GHR: variants seen among roughly 807,000 people sequenced by gnomAD.
GHR encodes growth hormone receptor, also known as GH receptor.
Under a neutral mutation model 67.1 loss-of-function variants are expected in GHR, and 35 were observed. The observed-to-expected ratio is 0.52, with a 90% CI of 0.40 to 0.69. The LOEUF (loss-of-function observed/expected upper bound fraction) is 0.69. Ranked by LOEUF, GHR falls within the 30% of genes least tolerant of loss-of-function variation. The pLI is 0.00. For missense variants in GHR, 792 were observed against 764.6 expected (o/e 1.04, Z -0.42); for synonymous variants, 272 against 269.1 (o/e 1.01, Z -0.10).
intron 2 of GHR, among the ~76,000 whole-genome samples, chr5:42,603,332 G>T (rs1752473528): frequency 6.6e-6 from 1 of 152,040 alleles, no homozygotes; most frequent in African/African-American, 2.4e-5. Flanking sequence ...CCTGGCGTGG[G>T]TCTCTTTGGA....
Position 42,576,135 on chromosome 5 carries a change from AAATAAAAT to A in GHR, c.70+10193_70+10200del, listed in dbSNP as rs745647767. On this transcript the variant is annotated intron_variant, in intron 2 of 9. Coordinates refer to ENST00000230882, the MANE Select transcript of GHR (RefSeq NM_000163.5). The stretch of plus-strand genomic sequence containing the variant: ...AAATAAAATAAAATAAAATAAAATA[AAATAAAAT>A]AGTAAAGTAAAATAAAATAAAGGCA... 9.1e-3 allele frequency among the ~76,000 whole-genome samples: 880 copies of A among 96,972 alleles called. 20 individuals carry two copies. The highest frequency in any genetic ancestry group is 0.026 in the African/African-American group (599 of 23,446). The allele number at this position is 96,972 out of a possible 152,430, so 63.6% of individuals were successfully genotyped here.
chr5:42,704,563 A>G (rs754767865), intron 6 of GHR, among the ~76,000 whole-genome samples: 3 of 151,994 alleles, frequency 2.0e-5, no homozygotes, highest in Non-Finnish European at 2.9e-5. Context: ...TAATGCTAGC[A>G]TCAAGAAATA....
intron 5 of GHR, among the ~76,000 whole-genome samples, chr5:42,698,289 C>T (rs1757772971): frequency 2.6e-5 from 4 of 152,048 alleles, no homozygotes; most frequent in Admixed American, 2.6e-4. Context: ...CAAATCTTTT[C>T]CAAAAGGACC....
chr5:42,546,117 T>C (rs181609513), intron 1 of GHR, among the ~76,000 whole-genome samples: 133 of 152,344 alleles, frequency 8.7e-4, no homozygotes, highest in African/African-American at 2.9e-3. Flanking sequence ...CTTTTCTTTA[T>C]GGTATCAAGA....
chr5:42,718,721 A>G lies in GHR; in HGVS notation c.1214A>G (p.His405Arg). The G allele has an allele frequency of 6.2e-7, 1 of 1,614,186 alleles. No homozygotes were observed. The change falls in exon 10 of 10, where the codon CAT (histidine) becomes CGT (arginine). Residue 405 changes from histidine to arginine, a missense_variant. His to Arg is a conservative substitution (Grantham distance 29). Transcript: ENST00000230882. ...ACTGATTTCAATGCCAATGACATAC[A>G]TGAGGGTACCTCAGAGGTTGCTCAG... ...LETDFNANDI[H>R]EGTSEVAQPQ...
At chr5:42,436,479 C>T (rs1291434142) in intron 1 of GHR, among the ~76,000 whole-genome samples, 1 of 152,098 alleles carries the variant, frequency 6.6e-6, no homozygotes, top group Non-Finnish European at 1.5e-5. Flanking sequence ...ATTTTCAAAA[C>T]CTGCCTAACA....
intron 1 of GHR, among the ~76,000 whole-genome samples, chr5:42,524,817 C>A (rs1201457213): frequency 1.3e-5 from 2 of 152,200 alleles, no homozygotes; most frequent in African/African-American, 4.8e-5. Flanking sequence ...CTGAAAAGGG[C>A]CAACACAGAG....
chr5:42,487,182 T>C (rs935288281), intron 1 of GHR, among the ~76,000 whole-genome samples: 7 of 152,252 alleles, frequency 4.6e-5, no homozygotes, highest in Non-Finnish European at 8.8e-5. Context: ...GACTTTGTTA[T>C]GTAAGGATAC....
At position 42,465,410 on chromosome 5, in the gene GHR, C is replaced by T. The variant is rs1454289604; in HGVS notation, c.-12+41455C>T. 6.8e-6 allele frequency: 10 copies of T among 1,476,894 alleles called. No individual in the cohort carries two copies. In the East Asian group the frequency reaches 2.3e-4, roughly 33 times the overall value. 91.5% of individuals were successfully genotyped at this position (1,476,894 alleles called of 1,614,324 possible). ...GATTGAAGAGGTTTCTACTTTTGCCCAGTCCTTATTTTGAATAGCCTTCCA... is the reference window on the plus strand; with the variant it reads ...GATTGAAGAGGTTTCTACTTTTGCCTAGTCCTTATTTTGAATAGCCTTCCA... On this transcript the variant is annotated intron_variant, in intron 1 of 9. Transcript: ENST00000230882.
chr5:42,702,284 T>G (rs1757968805), intron 6 of GHR, among the ~76,000 whole-genome samples: 1 of 152,136 alleles, frequency 6.6e-6, no homozygotes, highest in Non-Finnish European at 1.5e-5. Flanking sequence ...TGCATATAAG[T>G]GAGATTATGT....
At position 42,692,400 on chromosome 5, in the gene GHR, G is replaced by A. The variant is rs77819027; in HGVS notation, c.267-2517G>A. ...CTTAACTTTTGGGAGTAAGAGCAGA[G>A]GGGAGCTTCCATACATTGATTTTGG... On this transcript the variant is annotated intron_variant, in intron 4 of 9. Transcript: ENST00000230882. Among the ~76,000 whole-genome samples, 76 of 152,144 alleles carry A rather than the reference G, an allele frequency of 5.0e-4. 2 individuals are homozygous for A. In the East Asian group the frequency reaches 0.014, roughly 28 times the overall value.
At chr5:42,599,357 A>ATTTTTTTTT (rs36037535) in intron 2 of GHR, among the ~76,000 whole-genome samples, 1 of 103,908 alleles carries the variant, frequency 9.6e-6, no homozygotes, top group African/African-American at 4.1e-5. Context: ...CCTACAGCAC[A>ATTTTTTTTT]TTTTTTTTTT....
chr5:42,528,492 A>T (rs1747808428), intron 1 of GHR, among the ~76,000 whole-genome samples: 1 of 152,214 alleles, frequency 6.6e-6, no homozygotes, highest in South Asian at 2.1e-4. Context: ...TCATGATAAA[A>T]CTTGAACAGA....
intron 1 of GHR, among the ~76,000 whole-genome samples, chr5:42,506,157 T>C (rs1746768955): frequency 6.6e-6 from 1 of 152,232 alleles, no homozygotes; most frequent in African/African-American, 2.4e-5. Context: ...CCTTGTCTTG[T>C]TTCCTAGATC....
chr5:42,533,582 A>G (rs1054112458), intron 1 of GHR, among the ~76,000 whole-genome samples: 4 of 151,974 alleles, frequency 2.6e-5, no homozygotes, highest in Non-Finnish European at 4.4e-5. Flanking sequence ...TTTATGTTAA[A>G]TATGTCAACC....
chr5:42,471,856 A>G (rs2112103269), intron 1 of GHR, among the ~76,000 whole-genome samples: 1 of 152,294 alleles, frequency 6.6e-6, no homozygotes, highest in African/African-American at 2.4e-5. Context: ...CAGAACCCTA[A>G]TGGAGAACTA....
intron 1 of GHR, among the ~76,000 whole-genome samples, chr5:42,528,177 A>T (rs1021969775): frequency 2.0e-5 from 3 of 152,142 alleles, no homozygotes; most frequent in African/African-American, 7.2e-5. Context: ...TATTTAAGAA[A>T]TACATCTTGT....
intron 2 of GHR, among the ~76,000 whole-genome samples, chr5:42,619,407 G>A (rs1356372863): frequency 6.6e-6 from 1 of 151,846 alleles, no homozygotes; most frequent in African/African-American, 2.4e-5. Context: ...CAAAACATCT[G>A]TGTGGCTCAT....
intron 3 of GHR, among the ~76,000 whole-genome samples, chr5:42,650,782 T>C (rs1264619639): frequency 6.6e-6 from 1 of 152,070 alleles, no homozygotes; most frequent in African/African-American, 2.4e-5. Context: ...TGCTGCCCTT[T>C]TGGGATCCTG....
Sources: allele counts gnomAD v4.1 joint callset (sites outside exome capture counted in the v4.1 genomes callset), GRCh38; gene constraint gnomAD v4.1.1; transcripts MANE v1.5; gene names NCBI Gene and HGNC (gene_info 2026-07-23, HGNC 2026-07-21).